NARS2: variants seen among roughly 807,000 people sequenced by gnomAD.
NARS2 encodes the protein asparaginyl-tRNA synthetase 2, mitochondrial.
Under a neutral mutation model 62.9 loss-of-function variants are expected in NARS2, and 60 were observed. The ratio of observed to expected loss-of-function variants is 0.95; its 90% CI spans 0.77 to 1.18. The LOEUF (loss-of-function observed/expected upper bound fraction) is 1.18. Among genes scored for constraint, NARS2 ranks in the 50% most tolerant of loss-of-function variants. The pLI, the probability that NARS2 is intolerant of heterozygous loss-of-function variation, is 0.00. For missense variants in NARS2, 619 were observed against 576.4 expected, an observed-to-expected ratio of 1.07 and a Z score of -0.76; for synonymous variants, 196 against 200.0, an observed-to-expected ratio of 0.98 and a Z score of 0.17.
chr11:78,444,395 A>C (rs986831054), intron 11 of NARS2, among the ~76,000 whole-genome samples: 1 of 152,194 alleles, frequency 6.6e-6, no homozygotes, highest in African/African-American at 2.4e-5. Context: ...AAATTAAAAA[A>C]ACAAGATACC....
intron 11 of NARS2, among the ~76,000 whole-genome samples, chr11:78,464,298 G>C (rs1400788788): frequency 1.3e-5 from 2 of 152,142 alleles, no homozygotes; most frequent in Non-Finnish European, 2.9e-5. Flanking sequence ...GAGTGAGCAG[G>C]AGCAAGATTT....
intron 5 of NARS2, among the ~76,000 whole-genome samples, chr11:78,530,761 C>G (rs988381467): frequency 6.6e-6 from 1 of 152,194 alleles, no homozygotes. Context: ...GCCACCGTGC[C>G]CGGCCTATGA....
At chr11:78,449,092 G>A (rs985326482) in intron 11 of NARS2, among the ~76,000 whole-genome samples, 19 of 146,898 alleles carry the variant, frequency 1.3e-4, no homozygotes, top group Non-Finnish European at 2.7e-4. Flanking sequence ...TTATAGTTGT[G>A]TAACTGGAAG....
At position 78,523,334 on chromosome 11, in the gene NARS2, G is replaced by A. The variant is rs60017266; in HGVS notation, c.689+5508C>T. Among the ~76,000 whole-genome samples, 29 of 152,306 alleles carry A rather than the reference G, an allele frequency of 1.9e-4. No individual in the cohort carries two copies. In the East Asian group the frequency reaches 5.0e-3, roughly 26 times the overall value. On this transcript the variant is annotated intron_variant, in intron 6 of 13. Coordinates refer to ENST00000281038, the MANE Select transcript of NARS2 (RefSeq NM_024678.6). ...GACAATAATAAGCATTTGCAAGGAT[G>A]TGGAGAAACTGGAATGCTTTTGCTA...
At chr11:78,470,660 T>C (rs1858831825) in intron 9 of NARS2, among the ~76,000 whole-genome samples, 1 of 152,218 alleles carries the variant, frequency 6.6e-6, no homozygotes, top group Admixed American at 6.5e-5. Context: ...TTTGCTATTA[T>C]AAAACATGCC....
At chr11:78,546,566 TCAC>T (rs1855885017) in intron 5 of NARS2, 1 of 152,240 alleles carries the variant, frequency 6.6e-6, no homozygotes, top group Non-Finnish European at 1.5e-5. Context: ...GATTCTTTGT[TCAC>T]CACTTTTCCT....
chr11:78,528,409 T>G (rs1251818963), intron 6 of NARS2, among the ~76,000 whole-genome samples: 1 of 152,186 alleles, frequency 6.6e-6, no homozygotes, highest in Non-Finnish European at 1.5e-5. Context: ...AAGATGTAAT[T>G]TGCTGTACAC....
chr11:78,441,021 A>G (rs953022758), intron 13 of NARS2, 70 bp downstream of exon 13: 2 of 1,415,924 alleles, frequency 1.4e-6, no homozygotes, highest in African/African-American at 2.8e-5. Flanking sequence ...TGGGGATACA[A>G]GTAAAAACGC....
Position 78,528,904 on chromosome 11 carries a change from A to G in NARS2, c.627T>C (p.Asn209=), listed in dbSNP as rs778794128. The G allele has an allele frequency of 6.2e-7, 1 of 1,612,844 alleles. No homozygotes were observed. Among genetic ancestry groups the G allele is most frequent in the South Asian group, 1.1e-5 (1 of 91,068 alleles). The part of the protein sequence containing the change: ...PSGKLKVPEE[N]FFNVPAFLTV... ...TTAAGAAAGCAGGAACATTGAAGAAATTCTCCTCAGGTACCTTAAGTTTGC... is the reference window on the plus strand; with the variant it reads ...TTAAGAAAGCAGGAACATTGAAGAAGTTCTCCTCAGGTACCTTAAGTTTGC... Residue 209 remains asparagine (N), a synonymous_variant, in exon 6 of 14, where the codon AAT becomes AAC. Transcript: ENST00000281038.
At chr11:78,545,911 C>T (rs1855856566) in intron 5 of NARS2, among the ~76,000 whole-genome samples, 2 of 152,144 alleles carry the variant, frequency 1.3e-5, no homozygotes, top group Non-Finnish European at 2.9e-5. Flanking sequence ...TCTCTCTCTC[C>T]CTAACCTTTT....
intron 6 of NARS2, among the ~76,000 whole-genome samples, chr11:78,508,838 T>C (rs1007155760): frequency 2.0e-5 from 3 of 151,974 alleles, no homozygotes; most frequent in African/African-American, 4.8e-5. Context: ...AATAAGATTA[T>C]CAACAGGCCA....
intron 7 of NARS2, among the ~76,000 whole-genome samples, chr11:78,485,220 C>A (rs1242754998): frequency 6.6e-6 from 1 of 151,836 alleles, no homozygotes; most frequent in African/African-American, 2.4e-5. Context: ...GAACATCACA[C>A]ACTGGGGCCT....
At chr11:78,462,757 G>A (rs1029531173) in intron 11 of NARS2, among the ~76,000 whole-genome samples, 18 of 152,110 alleles carry the variant, frequency 1.2e-4, no homozygotes, top group African/African-American at 4.3e-4. Context: ...TAAGCATCTA[G>A]TAAACGGTGG....
chr11:78,485,673 A>G (rs1859542105), intron 7 of NARS2, among the ~76,000 whole-genome samples: 1 of 152,108 alleles, frequency 6.6e-6, no homozygotes, highest in Non-Finnish European at 1.5e-5. Flanking sequence ...TGTTTTTAGG[A>G]AAATCCTTGG....
intron 12 of NARS2, 69 bp downstream of exon 12, chr11:78,443,592 T>C (rs954176743): frequency 2.7e-6 from 3 of 1,101,216 alleles, no homozygotes; most frequent in East Asian, 2.4e-5. Flanking sequence ...TCTGTTACTA[T>C]GCAATGACCA....
At chr11:78,568,261 A>T (rs1403762767) in intron 3 of NARS2, among the ~76,000 whole-genome samples, 1 of 152,206 alleles carries the variant, frequency 6.6e-6, no homozygotes, top group Non-Finnish European at 1.5e-5. Context: ...ATTTAATACC[A>T]AACAGCCAAA....
rs371927339 is a variant in NARS2, at chr11:78,507,612, C to T, written c.690-14417G>A. 4.2e-4 allele frequency among the ~76,000 whole-genome samples: 63 copies of T among 151,798 alleles called. No individual in the cohort carries two copies. The East Asian group carries it at 7.2e-3, about 17-fold the overall frequency. On this transcript the variant is annotated intron_variant, in intron 6 of 13. Transcript: ENST00000281038. ...TCTGCTCACTGCAAACTCCGCCTCCCGGGTTCACGCCATTCTCCTGCCTCA... is the reference window on the plus strand; with the variant it reads ...TCTGCTCACTGCAAACTCCGCCTCCTGGGTTCACGCCATTCTCCTGCCTCA...
intron 7 of NARS2, among the ~76,000 whole-genome samples, chr11:78,487,704 G>A (rs994952146): frequency 5.9e-5 from 9 of 152,006 alleles, no homozygotes; most frequent in Non-Finnish European, 8.8e-5. Flanking sequence ...GAAAGAAACC[G>A]AGAAAAATGA....
rs183030549 is a variant in NARS2, at chr11:78,526,666, T to C, written c.689+2176A>G. The stretch of plus-strand genomic sequence containing the variant: ...AGTATTCTACCAATTTAATCTTCCG[T>C]CAAGTTTCACAGAACACTGTGTTCT... On this transcript the variant is annotated intron_variant, in intron 6 of 13. Transcript: ENST00000281038. Among the ~76,000 whole-genome samples the C allele has an allele frequency of 7.6e-4, 116 of 152,214 alleles. 1 individual carries two copies. In the East Asian group the frequency reaches 0.014, roughly 19 times the overall value.
Sources: allele counts gnomAD v4.1 joint callset (sites outside exome capture counted in the v4.1 genomes callset), GRCh38; gene constraint gnomAD v4.1.1; transcripts MANE v1.5; gene names NCBI Gene and HGNC (gene_info 2026-07-23, HGNC 2026-07-21).